EIF2AK3: variants seen among roughly 807,000 people sequenced by gnomAD.
EIF2AK3 encodes eukaryotic translation initiation factor 2 alpha kinase 3, also known as eukaryotic translation initiation factor 2-alpha kinase 3.
EIF2AK3 carries 50 observed loss-of-function variants against 113.5 expected under a neutral mutation model. The ratio of observed to expected loss-of-function variants is 0.44; its 90% confidence interval spans 0.35 to 0.56. The LOEUF (loss-of-function observed/expected upper bound fraction) is 0.56, where lower values mean the gene tolerates loss of function less well. Ranked by LOEUF, EIF2AK3 falls within the 20% of genes least tolerant of loss-of-function variation. The pLI, the probability that EIF2AK3 is intolerant of heterozygous loss-of-function variation, is 0.00. For missense variants in EIF2AK3, 1,185 were observed against 1,378.0 expected (o/e 0.86, Z 2.22); for synonymous variants, 448 against 495.4 (o/e 0.90, Z 1.27).
At chr2:88,602,187 C>T (rs763648894) in intron 2 of EIF2AK3, among the ~76,000 whole-genome samples, 9 of 152,074 alleles carry the variant, frequency 5.9e-5, no homozygotes, top group Non-Finnish European at 8.8e-5. Context: ...TTTCCTCATT[C>T]GGTTTTGGAA....
intron 3 of EIF2AK3, among the ~76,000 whole-genome samples, 170 bp from the exon 4 acceptor site, chr2:88,593,575 TTATTTAGAACAATGACA>T (rs779164643): frequency 7.2e-5 from 11 of 152,156 alleles, no homozygotes; most frequent in Non-Finnish European, 1.6e-4. Flanking sequence ...CTAAAATGAG[TTATTTAGAACAATGACA>T]GTACCAATGA....
chr2:88,570,263 G>A (rs955079436), intron 14 of EIF2AK3, among the ~76,000 whole-genome samples: 3 of 152,258 alleles, frequency 2.0e-5, no homozygotes, highest in South Asian at 4.1e-4. Context: ...CAAAACGTCC[G>A]AGACCCGCTG....
intron 1 of EIF2AK3, among the ~76,000 whole-genome samples, chr2:88,614,394 C>T (rs974769166): frequency 2.6e-5 from 4 of 152,174 alleles, no homozygotes; most frequent in Admixed American, 6.5e-5. Context: ...CCTTACCCCT[C>T]CTAGTAGACA....
rs574273916 is a variant in EIF2AK3, at chr2:88,561,323, G to A, written c.3087+966C>T. Among the ~76,000 whole-genome samples the A allele has an allele frequency of 6.6e-5, 10 of 151,104 alleles. No homozygotes were observed. The South Asian group carries it at 1.0e-3, about 16-fold the overall frequency. Reference sequence around the variant, plus strand: ...GTCACCCAGGCTGGAGTGCAGTGGCGCGATCTCTGCTCAATGCAAGCTCCG... The same window carrying A: ...GTCACCCAGGCTGGAGTGCAGTGGCACGATCTCTGCTCAATGCAAGCTCCG... On this transcript the variant is annotated intron_variant, in intron 15 of 16. Coordinates refer to ENST00000303236, the MANE Select transcript of EIF2AK3 (RefSeq NM_004836.7).
chr2:88,598,622 G>GA (rs202244857), intron 2 of EIF2AK3, among the ~76,000 whole-genome samples: 120 of 145,500 alleles, frequency 8.2e-4, no homozygotes, highest in South Asian at 3.7e-3. Context: ...AAAGGGCTGT[G>GA]AAAAAAAAAA....
At chr2:88,579,471 G>T in intron 11 of EIF2AK3, 47 bp downstream of exon 11, 1 of 1,609,620 alleles carries the variant, frequency 6.2e-7, no homozygotes, top group Non-Finnish European at 8.5e-7. Flanking sequence ...CATGAGATTA[G>T]ATCACACTGT....
At chr2:88,588,693 G>A in intron 7 of EIF2AK3, 68 bp downstream of exon 7, 2 of 1,561,436 alleles carry the variant, frequency 1.3e-6, no homozygotes, top group Non-Finnish European at 1.8e-6. Flanking sequence ...TTCAAAACTA[G>A]GGCAAAGACA....
At chr2:88,617,357 A>C (rs1675611252) in intron 1 of EIF2AK3, among the ~76,000 whole-genome samples, 1 of 152,246 alleles carries the variant, frequency 6.6e-6, no homozygotes, top group African/African-American at 2.4e-5. Context: ...AGGGAGCTGG[A>C]AGCCACAATC....
intron 1 of EIF2AK3, among the ~76,000 whole-genome samples, chr2:88,618,338 A>G (rs1260227363): frequency 1.3e-5 from 2 of 152,228 alleles, no homozygotes; most frequent in Non-Finnish European, 2.9e-5. Context: ...TCAAGAATTG[A>G]AGGAACTGCA....
chr2:88,595,521 A>C lies in EIF2AK3; in HGVS notation c.581T>G (p.Leu194Trp). 6.2e-7 allele frequency: 1 copy of C among 1,614,078 alleles called. No individual in the cohort carries two copies. Among genetic ancestry groups the C allele is most frequent in the Non-Finnish European group, 8.5e-7 (1 of 1,179,984 alleles). The change falls in exon 3 of 17, where the codon TTG (leucine) becomes TGG (tryptophan). Residue 194 changes from leucine to tryptophan, a missense_variant. Around this residue, in one of 3 missense-constraint regions of EIF2AK3, gnomAD observed 119 missense variants for 178.7 expected, o/e 0.67. Coordinates refer to ENST00000303236, the MANE Select transcript of EIF2AK3 (RefSeq NM_004836.7). ...SSYKFGDDVV[L>W]VGGKSLTTYG... ...TGTAGTCAGAGATTTTCCTCCAACC[A>C]AAACAACATCATCTCCAAATTTATA...
Position 88,576,709 on chromosome 2 carries a change from A to T in EIF2AK3, c.1887-6T>A. 3 of 1,613,958 alleles carry T rather than the reference A, an allele frequency of 1.9e-6. No individual in the cohort carries two copies. The highest frequency in any genetic ancestry group is 2.5e-6 in the Non-Finnish European group (3 of 1,179,942). ...CCTTTTCCCGAGCCAATTCCCTGAA[A>T]GAGAGAAAATATTTAAGGTGATGGA... On this transcript the variant is annotated splice_polypyrimidine_tract_variant and splice_region_variant and intron_variant, in intron 11 of 16. Coordinates refer to ENST00000303236, the MANE Select transcript of EIF2AK3 (RefSeq NM_004836.7).
chr2:88,575,568 C>T, intron 12 of EIF2AK3, 122 bp from the exon 13 acceptor site: 4 of 990,640 alleles, frequency 4.0e-6, no homozygotes, highest in South Asian at 2.7e-5. Context: ...GACAACAAAA[C>T]AACATACAAA....
chr2:88,563,744 C>CT (rs771294783), intron 14 of EIF2AK3, among the ~76,000 whole-genome samples: 2 of 152,066 alleles, frequency 1.3e-5, no homozygotes, highest in Non-Finnish European at 2.9e-5. Context: ...GAAATCTTTT[C>CT]TAAGAATATT....
chr2:88,595,834 G>T (rs746774846), intron 2 of EIF2AK3, 171 bp from the exon 3 acceptor site: 1 of 710,056 alleles, frequency 1.4e-6, no homozygotes, highest in South Asian at 1.5e-5. Flanking sequence ...ATGAAGCAGT[G>T]CAGTCCATCA....
intron 2 of EIF2AK3, among the ~76,000 whole-genome samples, chr2:88,606,630 T>A (rs1675286080): frequency 6.6e-6 from 1 of 152,288 alleles, no homozygotes; most frequent in African/African-American, 2.4e-5. Context: ...TCAGTAAAAG[T>A]AAGAGAAGCT....
intron 2 of EIF2AK3, among the ~76,000 whole-genome samples, chr2:88,607,291 A>C (rs2104460430): frequency 6.6e-6 from 1 of 152,344 alleles, no homozygotes; most frequent in East Asian, 1.9e-4. Context: ...ATCAAGGTTG[A>C]ATCTGAATAT....
chr2:88,571,156 A>G, intron 13 of EIF2AK3, 115 bp from the exon 14 acceptor site: 1 of 1,290,406 alleles, frequency 7.7e-7, no homozygotes, highest in Non-Finnish European at 1.1e-6. Context: ...ATTTTCAAGC[A>G]TATTTCTTTT....
intron 2 of EIF2AK3, among the ~76,000 whole-genome samples, chr2:88,598,253 G>A (rs72921097): frequency 0.017 from 2,513 of 152,188 alleles, 74 homozygotes; most frequent in African/African-American, 0.056. Context: ...GTAAAGACTG[G>A]GTCATACCAG....
At chr2:88,611,093 T>TCAG (rs1675443547) in intron 2 of EIF2AK3, among the ~76,000 whole-genome samples, 4 of 152,098 alleles carry the variant, frequency 2.6e-5, no homozygotes, top group Admixed American at 2.0e-4. Flanking sequence ...CCAAACAGTC[T>TCAG]CAGAACCACT....
Sources: allele counts gnomAD v4.1 joint callset (sites outside exome capture counted in the v4.1 genomes callset), GRCh38; gene constraint gnomAD v4.1.1; regional missense constraint gnomAD v4.1.1; transcripts MANE v1.5; gene names NCBI Gene and HGNC (gene_info 2026-07-23, HGNC 2026-07-21).